The following NRCAM variants were observed in gnomAD, a reference collection of about 807,000 sequenced individuals.
NRCAM encodes neuronal cell adhesion molecule.
A neutral mutation model predicts 156.5 loss-of-function variants in NRCAM; 83 were observed. That is an observed-to-expected ratio of 0.53 (90% CI 0.44 to 0.64). The LOEUF is 0.64. Ranked by LOEUF, NRCAM falls within the 30% of genes least tolerant of loss-of-function variation. The pLI is 0.00. For synonymous variants in NRCAM, 538 were observed against 563.9 expected (o/e 0.95, Z 0.65); for missense variants, 1,417 against 1,597.3 (o/e 0.89, Z 1.92).
At chr7:108,376,818 T>C (rs1352961026) in intron 2 of NRCAM, among the ~76,000 whole-genome samples, 1 of 152,168 alleles carries the variant, frequency 6.6e-6, no homozygotes, top group Non-Finnish European at 1.5e-5. Flanking sequence ...TCCAAAATAA[T>C]GTTTACTACC....
chr7:108,363,911 G>C (rs184149031), intron 2 of NRCAM, among the ~76,000 whole-genome samples: 1 of 152,128 alleles, frequency 6.6e-6, no homozygotes, highest in African/African-American at 2.4e-5. Flanking sequence ...GAGGATCCTA[G>C]GGAGACATAA....
intron 3 of NRCAM, among the ~76,000 whole-genome samples, chr7:108,289,614 G>GCA (rs1287229079): frequency 6.6e-6 from 1 of 151,998 alleles, no homozygotes; most frequent in East Asian, 1.9e-4. Flanking sequence ...CACATGGGAG[G>GCA]CACTCAAGAA....
intron 28 of NRCAM, among the ~76,000 whole-genome samples, chr7:108,168,733 G>T (rs961010276): frequency 6.6e-6 from 1 of 152,142 alleles, no homozygotes; most frequent in Non-Finnish European, 1.5e-5. Flanking sequence ...TGATGGAGAG[G>T]GGGATTGCTG....
At chr7:108,180,143 T>G in intron 25 of NRCAM, 80 bp downstream of exon 25, 1 of 1,213,358 alleles carries the variant, frequency 8.2e-7, no homozygotes, top group Non-Finnish European at 1.2e-6. Flanking sequence ...TATACTTTGA[T>G]CAGTAGCCCT....
intron 1 of NRCAM, among the ~76,000 whole-genome samples, chr7:108,415,205 A>T (rs1462193234): frequency 6.6e-6 from 1 of 152,182 alleles, no homozygotes; most frequent in East Asian, 1.9e-4. Context: ...CATATCTGCC[A>T]TCTGACAACA....
intron 11 of NRCAM, among the ~76,000 whole-genome samples, chr7:108,217,441 G>A (rs547918291): frequency 1.3e-5 from 2 of 152,318 alleles, no homozygotes; most frequent in South Asian, 2.1e-4. Context: ...AGCAGAGCTC[G>A]AGCACTGTGC....
intron 1 of NRCAM, among the ~76,000 whole-genome samples, chr7:108,428,588 A>G (rs1391266888): frequency 6.6e-6 from 1 of 152,222 alleles, no homozygotes; most frequent in Non-Finnish European, 1.5e-5. Context: ...AGAAAGGGCA[A>G]GAGAAATTGA....
chr7:108,290,532 G>T (rs921694099), intron 3 of NRCAM, among the ~76,000 whole-genome samples: 1 of 152,142 alleles, frequency 6.6e-6, no homozygotes, highest in African/African-American at 2.4e-5. Context: ...CTCAGAGAAG[G>T]ACAGAGCTGG....
intron 3 of NRCAM, among the ~76,000 whole-genome samples, chr7:108,300,779 A>G (rs1243802652): frequency 6.6e-6 from 1 of 152,196 alleles, no homozygotes; most frequent in Non-Finnish European, 1.5e-5. Context: ...GACTTAAGAG[A>G]AACTCAATCT....
At chr7:108,324,154 T>C (rs1444028017) in intron 2 of NRCAM, among the ~76,000 whole-genome samples, 1 of 152,042 alleles carries the variant, frequency 6.6e-6, no homozygotes, top group Non-Finnish European at 1.5e-5. Context: ...ACTTCCATTT[T>C]GAAGGGTGGA....
chr7:108,264,042 G>C (rs1418694254), intron 3 of NRCAM, among the ~76,000 whole-genome samples: 1 of 152,066 alleles, frequency 6.6e-6, no homozygotes, highest in African/African-American at 2.4e-5. Context: ...CAGTGGTGCA[G>C]TCTTGGCTCA....
intron 1 of NRCAM, among the ~76,000 whole-genome samples, chr7:108,433,923 C>T (rs114357258): frequency 3.3e-5 from 5 of 152,320 alleles, no homozygotes; most frequent in East Asian, 1.9e-4. Flanking sequence ...TCCATTCTGA[C>T]GAATGAGCCT....
In NRCAM at chr7:108,184,276, C is replaced by G. The variant is rs753325936; in HGVS notation, c.2269G>C (p.Gly757Arg). The change falls in exon 22 of 33, where the codon GGA (glycine) becomes CGA (arginine). Residue 757 changes from glycine (G) to arginine (R), a missense_variant. Around this residue, in one of 2 missense-constraint regions of NRCAM, gnomAD observed 1,238 missense variants for 1,336.4 expected, o/e 0.93. Coordinates refer to ENST00000379028, the MANE Select transcript of NRCAM (RefSeq NM_001037132.4). ...DKNPTAVEGL[G>R]SEPDNLVITW... is the part of the protein sequence containing the mutation. ...ATCACCAAATTATCAGGCTCTGATC[C>G]CAGTCCTTCCACAGCTGTGGGGTTT... 1.7e-5 allele frequency: 27 copies of G among 1,613,994 alleles called. No homozygotes were observed. The highest frequency in any genetic ancestry group is 2.2e-5 in the Non-Finnish European group (26 of 1,180,018).
At chr7:108,406,357 T>G (rs906803669) in intron 1 of NRCAM, among the ~76,000 whole-genome samples, 9 of 152,146 alleles carry the variant, frequency 5.9e-5, no homozygotes, top group African/African-American at 2.2e-4. Context: ...AAGCTGCAAG[T>G]TGGCAAGAGT....
chr7:108,381,871 A>G (rs1015073551), intron 2 of NRCAM, among the ~76,000 whole-genome samples: 1 of 151,934 alleles, frequency 6.6e-6, no homozygotes, highest in Non-Finnish European at 1.5e-5. Context: ...TGCCTTGACC[A>G]TTTTTTACAT....
intron 3 of NRCAM, among the ~76,000 whole-genome samples, chr7:108,300,034 T>A (rs2098556184): frequency 6.6e-6 from 1 of 152,150 alleles, no homozygotes; most frequent in Non-Finnish European, 1.5e-5. Context: ...CCTCAATAAA[T>A]GGTGACTGCT....
chr7:108,428,227 A>G (rs551441375), intron 1 of NRCAM, among the ~76,000 whole-genome samples: 51 of 152,304 alleles, frequency 3.3e-4, no homozygotes, highest in African/African-American at 1.2e-3. Context: ...TTTTCTACAC[A>G]CTGTTGAGAA....
At position 108,233,155 on chromosome 7, in the gene NRCAM, CCT is replaced by C. The variant is rs141917597; in HGVS notation, c.231-635_231-634del. On this transcript the variant is annotated intron_variant, in intron 6 of 32. Transcript: ENST00000379028. The stretch of plus-strand genomic sequence containing the variant: ...GTATGCCCAATTGTCAACTGAGATC[CCT>C]CTTTCTCCATTTTATTTTTATAAAA... Among the ~76,000 whole-genome samples the C allele has an allele frequency of 5.3e-3, 808 of 152,108 alleles. 8 individuals are homozygous for C. Among genetic ancestry groups the C allele is most frequent in the African/African-American group, 0.019 (768 of 41,494 alleles).
Position 108,240,135 on chromosome 7 carries a change from TTGTG to T in NRCAM, c.-75_-72del. 7 of 1,061,106 alleles carry T rather than the reference TTGTG, an allele frequency of 6.6e-6. No individual in the cohort carries two copies. The highest frequency in any genetic ancestry group is 1.0e-5 in the Non-Finnish European group (7 of 691,094). 65.7% of individuals were successfully genotyped at this position (1,061,106 alleles called of 1,614,324 possible). Reference sequence around the variant, plus strand: ...CTTTCACAAAAGATTTTGTGAAACGTTGTGTGCAACGTTTAAGTAATTTTCATGC... The same window carrying T: ...CTTTCACAAAAGATTTTGTGAAACGTTGCAACGTTTAAGTAATTTTCATGC... On this transcript the variant is annotated 5_prime_UTR_variant, in exon 4 of 33. Transcript: ENST00000379028.
Sources: gnomAD v4.1 joint callset for allele counts (sites outside exome capture counted in the v4.1 genomes callset) on GRCh38, gnomAD v4.1.1 for gene constraint, gnomAD v4.1.1 regional missense constraint, MANE v1.5 for transcripts, NCBI Gene and HGNC (gene_info 2026-07-23, HGNC 2026-07-21) for gene names.